CTXN3: variants seen among roughly 807,000 people sequenced by gnomAD.
CTXN3 encodes cortexin 3.
CTXN3 carries 4 observed loss-of-function variants against 5.0 expected under a neutral mutation model. The observed-to-expected ratio is 0.79, with a 90% CI of 0.39 to 1.82. The LOEUF is 1.82. Ranked by LOEUF, CTXN3 falls within the 40% of genes most tolerant of loss-of-function variation. The pLI, the probability that CTXN3 is intolerant of heterozygous loss-of-function variation, is 0.04. For synonymous variants in CTXN3, 48 were observed against 38.6 expected, an observed-to-expected ratio of 1.24 and a Z score of -0.91; for missense variants, 89 against 99.7, an observed-to-expected ratio of 0.89 and a Z score of 0.46.
At chr5:127,652,319 A>G (rs1749801996) in intron 1 of CTXN3, 2 of 152,224 alleles carry the variant, frequency 1.3e-5, no homozygotes, top group South Asian at 4.1e-4. Context: ...TCCTCTCTGC[A>G]TCAGTTAGCT....
At chr5:127,651,566 C>T (rs1013002929) in intron 1 of CTXN3, 1 of 152,054 alleles carries the variant, frequency 6.6e-6, no homozygotes, top group Non-Finnish European at 1.5e-5. Flanking sequence ...TGCTTGATCA[C>T]ATAATAGAAA....
At chr5:127,655,649 C>T (rs751105199) in intron 2 of CTXN3, among the ~76,000 whole-genome samples, 3 of 152,210 alleles carry the variant, frequency 2.0e-5, no homozygotes, top group Non-Finnish European at 4.4e-5. Context: ...CCCTTCCTGG[C>T]CCACAAGGAA....
At chr5:127,655,722 A>T (rs1749892960) in intron 2 of CTXN3, among the ~76,000 whole-genome samples, 1 of 152,212 alleles carries the variant, frequency 6.6e-6, no homozygotes, top group East Asian at 1.9e-4. Context: ...CCAGTGCATT[A>T]ATATCCTCTA....
intron 2 of CTXN3, among the ~76,000 whole-genome samples, chr5:127,654,205 G>A (rs1265367880): frequency 6.6e-6 from 1 of 152,202 alleles, no homozygotes; most frequent in East Asian, 1.9e-4. Flanking sequence ...ACCACAGTGT[G>A]CTGGGAGAGG....
At chr5:127,652,816 CG>C (rs1173191150) in intron 1 of CTXN3, among the ~76,000 whole-genome samples, 2 of 152,154 alleles carry the variant, frequency 1.3e-5, no homozygotes, top group Non-Finnish European at 2.9e-5. Context: ...CTCAGTTACA[CG>C]GAAGTTTATT....
chr5:127,657,840 T>C lies in CTXN3; in HGVS notation c.*73T>C, dbSNP rs908276778. ...CTTGGTGAGGATTCCCTTTATTTAG[T>C]GTTCTCAACAAATCAAATTTAAACA... On this transcript the variant is annotated 3_prime_UTR_variant, in exon 3 of 3. Transcript: ENST00000379445. 7.8e-6 allele frequency: 12 copies of C among 1,540,596 alleles called. No individual in the cohort carries two copies. The African/African-American group carries it at 1.7e-4, about 21-fold the overall frequency.
At chr5:127,655,360 A>G in intron 2 of CTXN3, among the ~76,000 whole-genome samples, 1 of 152,166 alleles carries the variant, frequency 6.6e-6, no homozygotes. Flanking sequence ...GGCTGGATGG[A>G]AAAAGGGCAT....
At chr5:127,657,008 G>A (rs1457822378) in intron 2 of CTXN3, among the ~76,000 whole-genome samples, 1 of 152,184 alleles carries the variant, frequency 6.6e-6, no homozygotes, top group Non-Finnish European at 1.5e-5. Flanking sequence ...TTCAAGTTTA[G>A]CCACTGTGCT....
rs1324385229 is a variant in CTXN3 at position 127,657,495 on chromosome 5, T to C, written c.-27T>C. The C allele has an allele frequency of 6.2e-7, 1 of 1,611,650 alleles. No individual in the cohort carries two copies. The highest frequency in any genetic ancestry group is 2.2e-5 in the East Asian group (1 of 44,856). On this transcript the variant is annotated 5_prime_UTR_variant, in exon 3 of 3. Transcript: ENST00000379445. Reference sequence around the variant, plus strand: ...ATGATGGAAGAAAAGAAAACCAGGATATCCTGTGCTCTGGCTTCCCTGGAC... The same window carrying C: ...ATGATGGAAGAAAAGAAAACCAGGACATCCTGTGCTCTGGCTTCCCTGGAC...
chr5:127,658,109 G>T lies in CTXN3; in HGVS notation c.*342G>T. On this transcript the variant is annotated 3_prime_UTR_variant, in exon 3 of 3. Transcript: ENST00000379445. ...GATCTGACTAAAGAATAAAAGACTA[G>T]AAAGGATCTCATATGAATCTGGTGA... is the stretch of plus-strand genomic sequence containing the variant. The T allele has an allele frequency of 3.7e-6, 1 of 270,456 alleles. No homozygotes were observed. The allele number at this position is 270,456 out of a possible 1,614,324, so 16.8% of individuals were successfully genotyped here.
chr5:127,656,336 A>G (rs1369129771), intron 2 of CTXN3, among the ~76,000 whole-genome samples: 1 of 152,192 alleles, frequency 6.6e-6, no homozygotes, highest in African/African-American at 2.4e-5. Context: ...ACGGTAATAT[A>G]CACTTGTATA....
chr5:127,653,758 G>A (rs910979283), intron 2 of CTXN3: 1 of 152,130 alleles, frequency 6.6e-6, no homozygotes. Context: ...TGCTGTTGGA[G>A]CTTTCTAAAT....
rs368464050 is a variant in CTXN3, at chr5:127,657,704, C to A, written c.183C>A (p.Thr61=). ...TGGATCCATATCGAAGCATGCCAACCTCTACCTGGGCTGATGGACTTGAAG... is the reference window on the plus strand; with the variant it reads ...TGGATCCATATCGAAGCATGCCAACATCTACCTGGGCTGATGGACTTGAAG... ...ILLDPYRSMP[T]STWADGLEGL... Residue 61 remains threonine (T), a synonymous_variant, in exon 3 of 3, where the codon ACC becomes ACA. Transcript: ENST00000379445. 4.0e-5 allele frequency: 64 copies of A among 1,614,192 alleles called. No individual in the cohort carries two copies. In the African/African-American group the frequency reaches 6.5e-4, roughly 16 times the overall value.
Position 127,657,497 on chromosome 5 carries a change from T to C in CTXN3, c.-25T>C. ...GATGGAAGAAAAGAAAACCAGGATA[T>C]CCTGTGCTCTGGCTTCCCTGGACCA... On this transcript the variant is annotated 5_prime_UTR_variant, in exon 3 of 3. Coordinates refer to ENST00000379445, the MANE Select transcript of CTXN3 (RefSeq NM_001048252.3). The C allele has an allele frequency of 6.2e-7, 1 of 1,612,584 alleles. No homozygotes were observed.
At chr5:127,652,911 G>A (rs1257327542) in intron 1 of CTXN3, 1 of 152,146 alleles carries the variant, frequency 6.6e-6, no homozygotes, top group East Asian at 1.9e-4. Context: ...ATAAAACTCA[G>A]ATCTTAAAAA....
intron 2 of CTXN3, among the ~76,000 whole-genome samples, chr5:127,655,237 T>C (rs1332312887): frequency 6.6e-6 from 1 of 152,104 alleles, no homozygotes; most frequent in Non-Finnish European, 1.5e-5. Flanking sequence ...CACTCCACCT[T>C]GGGCAACAAG....
At chr5:127,654,307 A>T (rs1749856372) in intron 2 of CTXN3, among the ~76,000 whole-genome samples, 1 of 152,232 alleles carries the variant, frequency 6.6e-6, no homozygotes, top group Non-Finnish European at 1.5e-5. Flanking sequence ...AGGTTTGGTG[A>T]TGAAGACATT....
At position 127,658,063 on chromosome 5, in the gene CTXN3, C is replaced by A; in HGVS notation, c.*296C>A. The A allele has an allele frequency of 3.0e-6, 1 of 336,422 alleles. No individual in the cohort carries two copies. The highest frequency in any genetic ancestry group is 5.8e-6 in the Non-Finnish European group (1 of 172,182). The allele number at this position is 336,422 out of a possible 1,614,324, so 20.8% of individuals were successfully genotyped here. A position where few individuals can be genotyped will look rare whatever the true frequency, so the allele number is the denominator to read the frequency against. On this transcript the variant is annotated 3_prime_UTR_variant, in exon 3 of 3. Coordinates refer to ENST00000379445, the MANE Select transcript of CTXN3 (RefSeq NM_001048252.3). The stretch of plus-strand genomic sequence containing the variant: ...GAGCGTTAATACTGACATAGATTTG[C>A]CATCAAACAAAACACCACCTGATCT...
chr5:127,652,187 A>C (rs1453831331), intron 1 of CTXN3: 3 of 152,196 alleles, frequency 2.0e-5, no homozygotes, highest in African/African-American at 7.2e-5. Flanking sequence ...TCAAATTACA[A>C]GATCTGTGGG....
Sources: allele counts gnomAD v4.1 joint callset (sites outside exome capture counted in the v4.1 genomes callset), GRCh38; gene constraint gnomAD v4.1.1; transcripts MANE v1.5; gene names NCBI Gene and HGNC (gene_info 2026-07-23, HGNC 2026-07-21).